EP300: variants seen among roughly 807,000 people sequenced by gnomAD.
The protein encoded by EP300 is histone acetyltransferase p300.
Under a neutral mutation model 264.0 loss-of-function variants are expected in EP300, and 31 were observed. The ratio of observed to expected loss-of-function variants is 0.12; its 90% CI spans 0.09 to 0.16. EP300 has a LOEUF of 0.16. Among genes scored for constraint, EP300 ranks in the 10% least tolerant of loss-of-function variants. The pLI, the probability that EP300 is intolerant of heterozygous loss-of-function variation, is 1.00. For missense variants in EP300, 2,766 were observed against 3,052.9 expected (o/e 0.91, Z 2.21); for synonymous variants, 1,340 against 1,045.4 (o/e 1.28, Z -5.44).
At chr22:41,158,189 C>A (rs942911514) in intron 18 of EP300, among the ~76,000 whole-genome samples, 2 of 152,190 alleles carry the variant, frequency 1.3e-5, no homozygotes, top group African/African-American at 4.8e-5. Flanking sequence ...CTGTTAGGTT[C>A]TTTGGTAAAG....
At chr22:41,127,085 A>G (rs1288834044) in intron 3 of EP300, among the ~76,000 whole-genome samples, 2 of 152,088 alleles carry the variant, frequency 1.3e-5, no homozygotes, top group Non-Finnish European at 2.9e-5. Flanking sequence ...AATTTATCCC[A>G]GAGTTTAGAA....
At chr22:41,094,866 A>G (rs2058693545) in intron 1 of EP300, among the ~76,000 whole-genome samples, 1 of 152,094 alleles carries the variant, frequency 6.6e-6, no homozygotes, top group South Asian at 2.1e-4. Context: ...TTGGAGCTGT[A>G]TTGTTTAAAT....
At chr22:41,162,460 A>G (rs1024701397) in intron 20 of EP300, among the ~76,000 whole-genome samples, 6 of 152,174 alleles carry the variant, frequency 3.9e-5, no homozygotes, top group Admixed American at 1.3e-4. Context: ...CAAGATTTTA[A>G]AAGGAAAAGA....
At chr22:41,102,046 T>A (rs1249765856) in intron 1 of EP300, among the ~76,000 whole-genome samples, 1 of 150,174 alleles carries the variant, frequency 6.7e-6, no homozygotes, top group African/African-American at 2.5e-5. Context: ...TTTTTTTTTT[T>A]AGTACTGGTT....
rs2058947021 is a variant in EP300, at chr22:41,135,753, A to G, written c.1529-60A>G. 2.4e-6 allele frequency: 3 copies of G among 1,256,820 alleles called. No homozygotes were observed. The South Asian group carries it at 3.6e-5, about 15-fold the overall frequency. 77.9% of individuals were successfully genotyped at this position (1,256,820 alleles called of 1,614,324 possible). A position where few individuals can be genotyped will look rare whatever the true frequency, so the allele number is the denominator to read the frequency against. On this transcript the variant is annotated intron_variant, in intron 6 of 30. Coordinates refer to ENST00000263253, the MANE Select transcript of EP300 (RefSeq NM_001429.4). ...GTCATTTGTTTCTTAACTTTATAGT[A>G]TTTATTGTATGGTGGCTGTTGTATT...
chr22:41,162,201 T>C (rs1569113075), intron 20 of EP300, among the ~76,000 whole-genome samples: 1 of 152,210 alleles, frequency 6.6e-6, no homozygotes, highest in Non-Finnish European at 1.5e-5. Flanking sequence ...TTAACAGAGA[T>C]GAATGAATCT....
Position 41,141,356 on chromosome 22 carries a change from A to G in EP300, c.2053+134A>G, listed in dbSNP as rs969737171. 4.2e-6 allele frequency: 4 copies of G among 943,798 alleles called. No individual in the cohort carries two copies. In the East Asian group the frequency reaches 1.1e-4, roughly 25 times the overall value. 58.5% of individuals were successfully genotyped at this position (943,798 alleles called of 1,614,324 possible). ...AATAACCATTTGCCTTTGCAAAGAA[A>G]ATAACTCATCTACTAGTAAAAACAG... On this transcript the variant is annotated intron_variant, in intron 10 of 30. Transcript: ENST00000263253.
chr22:41,162,911 A>G (rs1275802072), intron 21 of EP300, 132 bp downstream of exon 21: 3 of 758,092 alleles, frequency 4.0e-6, no homozygotes, highest in African/African-American at 3.5e-5. Context: ...CATCTAATGG[A>G]TAGTAAAACC....
intron 19 of EP300, 135 bp from the exon 20 acceptor site, chr22:41,160,507 C>G (rs898795869): frequency 6.7e-6 from 5 of 742,436 alleles, no homozygotes; most frequent in Admixed American, 4.1e-5. Flanking sequence ...ATTGAATGTC[C>G]TTGTCGCCGT....
chr22:41,164,382 TTA>T (rs1424167882), intron 22 of EP300, among the ~76,000 whole-genome samples: 5 of 152,316 alleles, frequency 3.3e-5, no homozygotes, highest in African/African-American at 1.2e-4. Context: ...GCTGGATTGT[TTA>T]TTAAAATTAT....
At chr22:41,173,528 T>A in intron 28 of EP300, 95 bp from the exon 29 acceptor site, 1 of 1,259,284 alleles carries the variant, frequency 7.9e-7, no homozygotes, top group Non-Finnish European at 1.1e-6. Flanking sequence ...CATAAGATTA[T>A]GATATCTAGT....
Position 41,179,552 on chromosome 22 carries a change from C to T in EP300, c.*596C>T, listed in dbSNP as rs1473336778. On this transcript the variant is annotated 3_prime_UTR_variant, in exon 31 of 31. Coordinates refer to ENST00000263253, the MANE Select transcript of EP300 (RefSeq NM_001429.4). ...AATGTTTAAAAAAAAAAAAAAACTG[C>T]CTTTCTTCCCCTCAAGTCAACTTTT... 1.0e-5 allele frequency: 2 copies of T among 192,768 alleles called. No homozygotes were observed. Among genetic ancestry groups the T allele is most frequent in the South Asian group, 3.9e-4 (2 of 5,084 alleles). 11.9% of individuals were successfully genotyped at this position (192,768 alleles called of 1,614,324 possible).
rs1394060841 is a variant in EP300, at chr22:41,151,749, ATCCTGTTGCTTACCTTACATTC to A, written c.2818-82_2818-61del. The A allele has an allele frequency of 1.7e-5, 23 of 1,392,142 alleles. No homozygotes were observed. The African/African-American group carries it at 3.3e-4, about 20-fold the overall frequency. 86.2% of individuals were successfully genotyped at this position (1,392,142 alleles called of 1,614,324 possible). ...CAAGAAATAGGTGGCTAATTCTGCTATCCTGTTGCTTACCTTACATTCTGATTGTATCGTTGGCAGACTCTGC... is the reference window on the plus strand; with the variant it reads ...CAAGAAATAGGTGGCTAATTCTGCTATGATTGTATCGTTGGCAGACTCTGC... On this transcript the variant is annotated intron_variant, in intron 14 of 30. Transcript: ENST00000263253.
chr22:41,107,189 G>C (rs375464955), intron 1 of EP300, among the ~76,000 whole-genome samples: 1 of 152,048 alleles, frequency 6.6e-6, no homozygotes, highest in East Asian at 1.9e-4. Context: ...ATGAGCCACG[G>C]TGCCTGACCT....
At chr22:41,169,345 A>C (rs1265017401) in intron 25 of EP300, 158 bp from the exon 26 acceptor site, 1 of 652,996 alleles carries the variant, frequency 1.5e-6, no homozygotes, top group African/African-American at 1.8e-5. Context: ...TGAAGGGTTC[A>C]CGGCGGAGTC....
intron 27 of EP300, among the ~76,000 whole-genome samples, chr22:41,171,412 T>C (rs778534629): frequency 5.3e-5 from 8 of 152,148 alleles, no homozygotes; most frequent in East Asian, 1.9e-4. Context: ...TACCCGCTCA[T>C]TGCAACCTGT....
chr22:41,140,371 G>A, intron 9 of EP300, 114 bp downstream of exon 9: 1 of 805,704 alleles, frequency 1.2e-6, no homozygotes, highest in Non-Finnish European at 2.2e-6. Flanking sequence ...ACACGCTGTA[G>A]CTATCCCGTC....
In EP300 at chr22:41,093,085, C is replaced by A. The variant is rs2145665783; in HGVS notation, c.81C>A (p.Ala27=). ...KLSSPALSAS[A]SDGTDFGSLF... is the part of the protein sequence containing the mutation. ...CATCTCCGGCCCTCTCGGCGTCCGC[C>A]AGCGATGGCACAGGTTAGTTTCGGC... Residue 27 remains alanine (A), a synonymous_variant, in exon 1 of 31, where the codon GCC becomes GCA. Coordinates refer to ENST00000263253, the MANE Select transcript of EP300 (RefSeq NM_001429.4). The A allele has an allele frequency of 6.2e-7, 1 of 1,614,152 alleles. No individual in the cohort carries two copies. Among genetic ancestry groups the A allele is most frequent in the Non-Finnish European group, 8.5e-7 (1 of 1,180,036 alleles).
At position 41,173,619 on chromosome 22, in the gene EP300, G is replaced by T; in HGVS notation, c.4618-4G>T. On this transcript the variant is annotated splice_polypyrimidine_tract_variant and splice_region_variant and intron_variant, in intron 28 of 30. Transcript: ENST00000263253. ...TTTCTTGTCTCCTTTGTGCTACTCT[G>T]CAGGTGACCAAGGGAGACAGCAAAA... 1 of 1,614,034 alleles carries T rather than the reference G, an allele frequency of 6.2e-7. No individual in the cohort carries two copies. The highest frequency in any genetic ancestry group is 8.5e-7 in the Non-Finnish European group (1 of 1,179,970).
Sources: allele counts gnomAD v4.1 joint callset (sites outside exome capture counted in the v4.1 genomes callset), GRCh38; gene constraint gnomAD v4.1.1; transcripts MANE v1.5; gene names NCBI Gene and HGNC (gene_info 2026-07-23, HGNC 2026-07-21).